The following ILKAP variants were observed in gnomAD, a reference collection of about 807,000 sequenced individuals.
The protein encoded by ILKAP is ILK associated serine/threonine phosphatase.
Under a neutral mutation model 49.1 loss-of-function variants are expected in ILKAP, and 11 were observed. The ratio of observed to expected loss-of-function variants is 0.22; its 90% CI spans 0.14 to 0.37. The LOEUF is 0.37. Among genes scored for constraint, ILKAP ranks in the 10% least tolerant of loss-of-function variants. The probability of loss-of-function intolerance (pLI) is 1.00; values close to 1 mark genes in which losing one functional copy is unlikely to be tolerated. For synonymous variants in ILKAP, 186 were observed against 192.8 expected (o/e 0.96, Z 0.29); for missense variants, 363 against 510.8 (o/e 0.71, Z 2.79).
rs1574798594 is a variant in ILKAP at position 238,189,598 on chromosome 2, C to T, written c.298+255G>A. On this transcript the variant is annotated intron_variant, in intron 4 of 11. Coordinates refer to ENST00000254654, the MANE Select transcript of ILKAP (RefSeq NM_030768.3). ...CACTGCAGAAGGCTAAGAAAAAAAC[C>T]ACCTGTATTTTTTAACTCTTGAGGA... 9 of 269,634 alleles carry T rather than the reference C, an allele frequency of 3.3e-5. No individual in the cohort carries two copies. In the South Asian group the frequency reaches 5.0e-4, roughly 15 times the overall value. 16.7% of individuals were successfully genotyped at this position (269,634 alleles called of 1,614,324 possible).
In ILKAP at chr2:238,182,197, G is replaced by T. The variant is rs1291691881; in HGVS notation, c.715-11C>A. 2.5e-6 allele frequency: 4 copies of T among 1,612,810 alleles called. No homozygotes were observed. The highest frequency in any genetic ancestry group is 3.4e-6 in the Non-Finnish European group (4 of 1,179,140). The stretch of plus-strand genomic sequence containing the variant: ...ACGACACAAGATTGCCTGGGAAGAT[G>T]GAGATTGTAATAGTCATGAAATTCA... On this transcript the variant is annotated splice_polypyrimidine_tract_variant and intron_variant, in intron 8 of 11. Coordinates refer to ENST00000254654, the MANE Select transcript of ILKAP (RefSeq NM_030768.3).
At chr2:238,189,518 T>G (rs539084487) in intron 4 of ILKAP, among the ~76,000 whole-genome samples, 1 of 152,240 alleles carries the variant, frequency 6.6e-6, no homozygotes, top group South Asian at 2.1e-4. Flanking sequence ...ATTGACAAAC[T>G]GCAAACAAAG....
intron 9 of ILKAP, among the ~76,000 whole-genome samples, chr2:238,176,560 T>G (rs1693467282): frequency 6.6e-6 from 1 of 152,254 alleles, no homozygotes. Context: ...ATTTCTCTTC[T>G]CTGTTTTCTG....
rs574559932 is a variant in ILKAP at position 238,173,521 on chromosome 2, T to C, written c.956+13A>G. 12 of 1,507,466 alleles carry C rather than the reference T, an allele frequency of 8.0e-6. No individual in the cohort carries two copies. In the Admixed American group the frequency reaches 1.2e-4, roughly 16 times the overall value. The allele number at this position is 1,507,466 out of a possible 1,614,324, so 93.4% of individuals were successfully genotyped here. On this transcript the variant is annotated intron_variant, in intron 10 of 11. Transcript: ENST00000254654. Reference sequence around the variant, plus strand: ...CATGCACACACACCTGTGCCTCTTATAGGGCCTTTTACCTGTCATTGGGGG... The same window carrying C: ...CATGCACACACACCTGTGCCTCTTACAGGGCCTTTTACCTGTCATTGGGGG...
chr2:238,187,304 C>T (rs192002769), intron 5 of ILKAP, among the ~76,000 whole-genome samples: 6 of 152,302 alleles, frequency 3.9e-5, no homozygotes, highest in African/African-American at 1.2e-4. Flanking sequence ...TCTGCAGCAG[C>T]CATCACCTCA....
At position 238,201,053 on chromosome 2, in the gene ILKAP, C is replaced by T. The variant is rs140874365; in HGVS notation, c.55+2446G>A. Among the ~76,000 whole-genome samples the T allele has an allele frequency of 6.0e-3, 913 of 152,322 alleles. 8 individuals are homozygous for T. The highest frequency in any genetic ancestry group is 0.011 in the Non-Finnish European group (718 of 68,022). On this transcript the variant is annotated intron_variant, in intron 1 of 11. Transcript: ENST00000254654. ...CTTTTCTTGCGCTCTGGGAAAATAACGAGGTCTTTTATTGTTCACTGCATT... is the reference window on the plus strand; with the variant it reads ...CTTTTCTTGCGCTCTGGGAAAATAATGAGGTCTTTTATTGTTCACTGCATT...
At chr2:238,176,898 C>A (rs1402732026) in intron 9 of ILKAP, among the ~76,000 whole-genome samples, 6 of 152,198 alleles carry the variant, frequency 3.9e-5, no homozygotes, top group Non-Finnish European at 7.3e-5. Flanking sequence ...TGGTGGATGC[C>A]TAAATCCAAC....
At chr2:238,189,010 T>G (rs1278171044) in intron 4 of ILKAP, among the ~76,000 whole-genome samples, 1 of 152,150 alleles carries the variant, frequency 6.6e-6, no homozygotes, top group Non-Finnish European at 1.5e-5. Context: ...CAAAGGACAA[T>G]GCAGTCAATG....
At chr2:238,194,361 C>A in intron 2 of ILKAP, 30 bp from the exon 3 acceptor site, 1 of 1,608,162 alleles carries the variant, frequency 6.2e-7, no homozygotes, top group South Asian at 1.1e-5. Flanking sequence ...TTAGTGAGCC[C>A]ACAAAAAATA....
At chr2:238,199,280 T>G (rs946764981) in intron 1 of ILKAP, among the ~76,000 whole-genome samples, 3 of 152,210 alleles carry the variant, frequency 2.0e-5, no homozygotes, top group African/African-American at 7.2e-5. Context: ...GATACATGTA[T>G]TCCTGCTTAA....
chr2:238,198,205 A>G (rs1265681670), intron 1 of ILKAP, among the ~76,000 whole-genome samples: 1 of 152,124 alleles, frequency 6.6e-6, no homozygotes, highest in Non-Finnish European at 1.5e-5. Context: ...TCATAGATAC[A>G]TAAGGAAACT....
chr2:238,171,285 G>A (rs949706144), intron 10 of ILKAP, among the ~76,000 whole-genome samples: 1 of 151,082 alleles, frequency 6.6e-6, no homozygotes, highest in Admixed American at 6.6e-5. Flanking sequence ...TCAGCCTCCT[G>A]AGTAGCTGGG....
chr2:238,184,383 T>C (rs912881665), intron 6 of ILKAP, among the ~76,000 whole-genome samples: 2 of 151,928 alleles, frequency 1.3e-5, no homozygotes, highest in African/African-American at 4.8e-5. Flanking sequence ...AGAGACAGGG[T>C]TTCACCACAT....
At chr2:238,194,623 G>C in intron 2 of ILKAP, 182 bp downstream of exon 2, 1 of 641,870 alleles carries the variant, frequency 1.6e-6, no homozygotes, top group Non-Finnish European at 2.7e-6. Context: ...GTACTTCTCA[G>C]GGCTAGCGAC....
At chr2:238,176,394 G>A (rs1197497982) in intron 9 of ILKAP, among the ~76,000 whole-genome samples, 1 of 152,142 alleles carries the variant, frequency 6.6e-6, no homozygotes, top group Non-Finnish European at 1.5e-5. Context: ...GCCCCCCAAA[G>A]TGCTGGGATT....
intron 9 of ILKAP, among the ~76,000 whole-genome samples, chr2:238,177,847 C>G (rs1285926426): frequency 6.6e-6 from 1 of 152,110 alleles, no homozygotes; most frequent in African/African-American, 2.4e-5. Flanking sequence ...AGAGGTGGAA[C>G]TGCAGATCAC....
intron 10 of ILKAP, among the ~76,000 whole-genome samples, chr2:238,172,840 C>T (rs1481261318): frequency 3.9e-5 from 6 of 152,180 alleles, no homozygotes; most frequent in African/African-American, 1.4e-4. Flanking sequence ...TTGACCCCTC[C>T]TGCTACTGCC....
At chr2:238,197,823 C>T (rs1694408170) in intron 1 of ILKAP, among the ~76,000 whole-genome samples, 1 of 152,076 alleles carries the variant, frequency 6.6e-6, no homozygotes, top group Non-Finnish European at 1.5e-5. Context: ...ATAATACTGC[C>T]TGCCTGTCAG....
At chr2:238,186,506 G>A (rs1693914723) in intron 5 of ILKAP, 1 of 152,170 alleles carries the variant, frequency 6.6e-6, no homozygotes, top group Non-Finnish European at 1.5e-5. Flanking sequence ...CGTCATATAT[G>A]CAGTCCATCA....
Sources: allele counts gnomAD v4.1 joint callset (sites outside exome capture counted in the v4.1 genomes callset), GRCh38; gene constraint gnomAD v4.1.1; transcripts MANE v1.5; gene names NCBI Gene and HGNC (gene_info 2026-07-23, HGNC 2026-07-21).